FN1: variants seen among roughly 807,000 people sequenced by gnomAD.
FN1 encodes the protein fibronectin 1, also known as fibronectin.
In FN1, 106 loss-of-function variants were observed where a neutral mutation model predicts 297.3. The observed-to-expected ratio is 0.36, with a 90% CI of 0.30 to 0.42. FN1 has a LOEUF of 0.42. Ranked by LOEUF, FN1 falls within the 10% of genes least tolerant of loss-of-function variation. FN1 has a pLI of 1.00. For missense variants in FN1, 2,690 were observed against 3,124.9 expected (o/e 0.86, Z 3.32); for synonymous variants, 1,149 against 1,152.6 (o/e 1.00, Z 0.06).
intron 44 of FN1, among the ~76,000 whole-genome samples, chr2:215,364,171 CATT>C (rs1355615649): frequency 1.3e-5 from 2 of 152,240 alleles, no homozygotes; most frequent in Admixed American, 6.5e-5. Flanking sequence ...TCAACTATAT[CATT>C]AAGAGCCAAG....
chr2:215,414,803 C>T (rs1206208592), intron 13 of FN1, 34 bp downstream of exon 13: 1 of 1,613,334 alleles, frequency 6.2e-7, no homozygotes, highest in Admixed American at 1.7e-5. Context: ...GATTAGGAGA[C>T]TCAGTATCCA....
intron 1 of FN1, 24 bp downstream of exon 1, chr2:215,435,631 T>C (rs768936421): frequency 1.2e-6 from 2 of 1,613,222 alleles, no homozygotes; most frequent in Non-Finnish European, 1.7e-6. Context: ...AGGCAGCCTG[T>C]TTCAGCCCGC....
intron 4 of FN1, among the ~76,000 whole-genome samples, chr2:215,431,461 G>A (rs928080063): frequency 7.2e-5 from 11 of 152,042 alleles, no homozygotes; most frequent in Admixed American, 2.6e-4. Context: ...TTCATGTTTC[G>A]GTCCAGGACA....
In FN1 at chr2:215,371,992, T is replaced by C. The variant is rs767837750; in HGVS notation, c.6631A>G (p.Thr2211Ala). 1.8e-5 allele frequency: 29 copies of C among 1,614,210 alleles called. No homozygotes were observed. Among genetic ancestry groups the C allele is most frequent in the Non-Finnish European group, 2.0e-5 (24 of 1,180,026 alleles). ...STGQEALSQTTISWAPFQDTS... is the reference protein window; with the variant it reads ...STGQEALSQTAISWAPFQDTS... The stretch of plus-strand genomic sequence containing the variant: ...TCCTGGAATGGGGCCCATGAGATGG[T>C]TGTCTGAGAGAGAGCTTCTTGTCCT... The change falls in exon 40 of 46, where the codon ACC (threonine) becomes GCC (alanine). Residue 2211 changes from threonine (T) to alanine (A), a missense_variant. By Grantham distance (58) the Thr-to-Ala change is moderately conservative. Coordinates refer to ENST00000354785, the MANE Select transcript of FN1 (RefSeq NM_212482.4).
chr2:215,431,342 A>T (rs1394240869), intron 4 of FN1, among the ~76,000 whole-genome samples: 2 of 152,246 alleles, frequency 1.3e-5, no homozygotes, highest in Non-Finnish European at 2.9e-5. Flanking sequence ...TTATAGCCAG[A>T]AACTTTCAGG....
At chr2:215,361,911 C>T in intron 45 of FN1, 58 bp downstream of exon 45, 1 of 1,547,146 alleles carries the variant, frequency 6.5e-7, no homozygotes, top group South Asian at 1.1e-5. Context: ...AAGAAAGATA[C>T]CTGTAGAAAG....
intron 36 of FN1, among the ~76,000 whole-genome samples, 195 bp from the exon 37 acceptor site, chr2:215,375,913 A>T (rs539246713): frequency 6.6e-6 from 1 of 152,320 alleles, no homozygotes; most frequent in South Asian, 2.1e-4. Context: ...TCGAAAGTGA[A>T]TCACTGATAC....
intron 41 of FN1, 36 bp downstream of exon 41, chr2:215,370,258 G>T: frequency 6.2e-7 from 1 of 1,610,110 alleles, no homozygotes; most frequent in Non-Finnish European, 8.5e-7. Context: ...GTACAGCAGA[G>T]GGGAGCCTGT....
At chr2:215,378,031 C>T (rs2057626557) in intron 35 of FN1, 144 bp downstream of exon 35, 2 of 677,160 alleles carry the variant, frequency 3.0e-6, no homozygotes, top group African/African-American at 3.5e-5. Flanking sequence ...AGGTCTCAAA[C>T]TCCTGGCCTC....
chr2:215,434,390 A>G (rs933076005), intron 2 of FN1, among the ~76,000 whole-genome samples: 3 of 135,858 alleles, frequency 2.2e-5, no homozygotes, highest in African/African-American at 8.3e-5. Context: ...TTTCTAATAA[A>G]TTAAAATTTT....
chr2:215,427,137 A>G (rs1046453619), intron 6 of FN1, among the ~76,000 whole-genome samples: 1 of 152,086 alleles, frequency 6.6e-6, no homozygotes, highest in African/African-American at 2.4e-5. Flanking sequence ...GGCCTCCCAA[A>G]GTGCTGGGAT....
chr2:215,368,448 CG>C (rs1159069056), intron 41 of FN1, among the ~76,000 whole-genome samples: 1 of 151,980 alleles, frequency 6.6e-6, no homozygotes, highest in Non-Finnish European at 1.5e-5. Context: ...GCAATACTAG[CG>C]TAATAATAAA....
chr2:215,402,940 A>G (rs900600003), intron 20 of FN1, among the ~76,000 whole-genome samples: 2 of 152,178 alleles, frequency 1.3e-5, no homozygotes, highest in African/African-American at 4.8e-5. Flanking sequence ...TTCTTTTATA[A>G]GCACTGTGTT....
rs778288406 is a variant in FN1, at chr2:215,434,727, G to A, written c.246C>T (p.Ser82=). The A allele has an allele frequency of 3.1e-6, 5 of 1,614,024 alleles. No homozygotes were observed. Among genetic ancestry groups the A allele is most frequent in the Non-Finnish European group, 4.2e-6 (5 of 1,180,024 alleles). The change falls in exon 2 of 46, where the codon AGC becomes AGT. Residue 82 remains serine (S), a synonymous_variant. Coordinates refer to ENST00000354785, the MANE Select transcript of FN1 (RefSeq NM_212482.4). ...GTTTACTCTCGCAGTTAAAACCTCG[G>A]CTTCCTCCATAACAAGTACAAACCA... ...NALVCTCYGG[S]RGFNCESKPE...
chr2:215,395,085 T>C (rs984891918), intron 23 of FN1, among the ~76,000 whole-genome samples: 3 of 152,174 alleles, frequency 2.0e-5, no homozygotes, highest in Non-Finnish European at 4.4e-5. Flanking sequence ...CACTGTACCC[T>C]GCTTTTCCTT....
intron 38 of FN1, among the ~76,000 whole-genome samples, chr2:215,374,064 A>G (rs1328343318): frequency 6.6e-6 from 1 of 152,196 alleles, no homozygotes; most frequent in Non-Finnish European, 1.5e-5. Flanking sequence ...CACCACTGGA[A>G]TATAAATTTG....
chr2:215,378,221 G>A lies in FN1; in HGVS notation c.5664C>T (p.Asp1888=). 1.9e-6 allele frequency: 3 copies of A among 1,612,454 alleles called. No individual in the cohort carries two copies. Among genetic ancestry groups the A allele is most frequent in the Non-Finnish European group, 2.5e-6 (3 of 1,178,778 alleles). ...CCTGAGCTGGTCTGCTTGTCAAAGT[G>A]TCCTTAAGAGCATAGACACTCACTT... The part of the protein sequence containing the change: ...KYEVSVYALK[D]TLTSRPAQGV... The change falls in exon 35 of 46, where the codon GAC becomes GAT. Residue 1888 remains aspartate (D), a synonymous_variant. Transcript: ENST00000354785.
At chr2:215,408,847 G>A (rs2062158547) in intron 15 of FN1, among the ~76,000 whole-genome samples, 2 of 152,244 alleles carry the variant, frequency 1.3e-5, no homozygotes, top group East Asian at 1.9e-4. Context: ...TGAGATTATA[G>A]GAGTTAGCCA....
intron 9 of FN1, 44 bp downstream of exon 9, chr2:215,423,306 T>C (rs895169706): frequency 1.9e-6 from 3 of 1,606,396 alleles, no homozygotes; most frequent in Non-Finnish European, 2.6e-6. Flanking sequence ...CTCTACTCCC[T>C]AAATTGTTGT....
Sources: allele counts gnomAD v4.1 joint callset (sites outside exome capture counted in the v4.1 genomes callset), GRCh38; gene constraint gnomAD v4.1.1; transcripts MANE v1.5; gene names NCBI Gene and HGNC (gene_info 2026-07-23, HGNC 2026-07-21).